ERAP1: variants seen among roughly 807,000 people sequenced by gnomAD.
ERAP1 encodes endoplasmic reticulum aminopeptidase 1.
ERAP1 carries 86 observed loss-of-function variants against 103.7 expected under a neutral mutation model. That is an observed-to-expected ratio of 0.83 (90% CI 0.70 to 0.99). The LOEUF (loss-of-function observed/expected upper bound fraction) is 0.99. Ranked by LOEUF, ERAP1 falls within the 50% of genes least tolerant of loss-of-function variation. The pLI, the probability that ERAP1 is intolerant of heterozygous loss-of-function variation, is 0.00. For missense variants in ERAP1, 1,009 were observed against 1,128.4 expected, an observed-to-expected ratio of 0.89 and a Z score of 1.52; for synonymous variants, 398 against 402.4, an observed-to-expected ratio of 0.99 and a Z score of 0.13.
chr5:96,784,122 CG>C (rs1561674208), intron 13 of ERAP1, 42 bp from the exon 14 acceptor site: 1 of 1,606,958 alleles, frequency 6.2e-7, no homozygotes, highest in Non-Finnish European at 8.5e-7. Flanking sequence ...AAAGTAAATC[CG>C]GGAAGTCAAC....
chr5:96,895,335 T>A, the ERAP1 span: 7 of 1,611,104 alleles, frequency 4.3e-6, no homozygotes, highest in South Asian at 1.1e-5. Context: ...TCGCTGTTAA[T>A]GCTACATATC....
At chr5:96,916,757 C>T in the ERAP1 span, among the ~76,000 whole-genome samples, 2 of 133,270 alleles carry the variant, frequency 1.5e-5, no homozygotes, top group African/African-American at 5.6e-5. Flanking sequence ...CGTGAGCCAC[C>T]AGCCTATCTT....
the ERAP1 span, among the ~76,000 whole-genome samples, chr5:96,842,141 T>A: frequency 1.3e-5 from 2 of 152,220 alleles, no homozygotes; most frequent in South Asian, 4.1e-4. Flanking sequence ...GGCCGAGTAG[T>A]ATTCCATGGT....
the ERAP1 span, among the ~76,000 whole-genome samples, chr5:96,836,176 G>GTTTTTTTTTTTTTTTTTTTTTTTTGT: frequency 1.9e-5 from 2 of 106,682 alleles, no homozygotes; most frequent in Admixed American, 1.1e-4. Flanking sequence ...CACCTCTTTG[G>GTTTTTTTTTTTTTTTTTTTTTTTTGT]TTTTTTTTTT....
chr5:96,924,744 C>A, the ERAP1 span, among the ~76,000 whole-genome samples: 3 of 151,964 alleles, frequency 2.0e-5, no homozygotes, highest in African/African-American at 7.3e-5. Context: ...ACTACAGGCA[C>A]CTGCTACCAT....
At position 96,776,136 on chromosome 5, in the gene ERAP1, G is replaced by T. The variant is rs772202631; in HGVS notation, c.*260C>A. 10 of 1,450,496 alleles carry T rather than the reference G, an allele frequency of 6.9e-6. No homozygotes were observed. The highest frequency in any genetic ancestry group is 3.6e-4 in the Middle Eastern group (2 of 5,574). The allele number at this position is 1,450,496 out of a possible 1,614,324, so 89.9% of individuals were successfully genotyped here. A position where few individuals can be genotyped will look rare whatever the true frequency, so the allele number is the denominator to read the frequency against. ...TAAACTATAAAATGAGAAGAATAAGGTACTTTATTCTTCTGTGGCAGGGAA... is the reference window on the plus strand; with the variant it reads ...TAAACTATAAAATGAGAAGAATAAGTTACTTTATTCTTCTGTGGCAGGGAA... On this transcript the variant is annotated 3_prime_UTR_variant, in exon 19 of 19. Coordinates refer to ENST00000443439, the MANE Select transcript of ERAP1 (RefSeq NM_001040458.3).
chr5:96,805,632 G>T (rs1320769122), intron 1 of ERAP1: 3 of 152,264 alleles, frequency 2.0e-5, no homozygotes, highest in Non-Finnish European at 4.4e-5. Context: ...CATAATCCCA[G>T]TTCAAAAGGC....
the ERAP1 span, among the ~76,000 whole-genome samples, chr5:96,818,968 A>G: frequency 6.6e-6 from 1 of 151,670 alleles, no homozygotes; most frequent in Non-Finnish European, 1.5e-5. Flanking sequence ...CTCTGTCACC[A>G]AGGCTGGAGT....
At chr5:96,909,947 T>G in the ERAP1 span, 7 of 561,462 alleles carry the variant, frequency 1.2e-5, no homozygotes, top group East Asian at 6.1e-5. Flanking sequence ...GTACAATCTC[T>G]ACCATGAAAT....
At chr5:96,867,948 C>T in the ERAP1 span, among the ~76,000 whole-genome samples, 1 of 152,066 alleles carries the variant, frequency 6.6e-6, no homozygotes, top group African/African-American at 2.4e-5. Context: ...GTGGCGAGTG[C>T]CTGTAATCCC....
the ERAP1 span, among the ~76,000 whole-genome samples, chr5:96,916,127 A>G: frequency 2.6e-5 from 4 of 152,090 alleles, no homozygotes; most frequent in African/African-American, 9.7e-5. Context: ...AGGCTGAGGC[A>G]GAAGAATCAC....
Position 96,792,177 on chromosome 5 carries a change from C to G in ERAP1, c.1204G>C (p.Gly402Arg). 6.2e-7 allele frequency: 1 copy of G among 1,613,494 alleles called. No individual in the cohort carries two copies. Among genetic ancestry groups the G allele is most frequent in the South Asian group, 1.1e-5 (1 of 91,064 alleles). The change falls in exon 8 of 19, where the codon GGC becomes CGC. Residue 402 changes from glycine to arginine, a missense_variant. Transcript: ENST00000443439. The part of the protein sequence containing the change: ...PELKVGDYFF[G>R]KCFDAMEVDA... ...ACCTCCATTGCGTCAAAACATTTGCCAAAGAAATAATCTCCCTATTGAGAT... is the reference window on the plus strand; with the variant it reads ...ACCTCCATTGCGTCAAAACATTTGCGAAAGAAATAATCTCCCTATTGAGAT...
At chr5:96,808,234 G>A (rs1361275963), upstream of ERAP1, 1 of 590,812 alleles carries the variant, frequency 1.7e-6, no homozygotes, top group Non-Finnish European at 2.1e-6. Flanking sequence ...GTGTGTGTGT[G>A]TGTGTGTGTG....
the ERAP1 span, among the ~76,000 whole-genome samples, chr5:96,815,366 C>A: frequency 8.6e-5 from 13 of 151,268 alleles, no homozygotes; most frequent in Non-Finnish European, 1.6e-4. Flanking sequence ...ATAAAACACC[C>A]AAACTATTAA....
chr5:96,850,926 G>A, the ERAP1 span, among the ~76,000 whole-genome samples: 59 of 152,200 alleles, frequency 3.9e-4, no homozygotes, highest in African/African-American at 1.2e-3. Context: ...TCCCTTACAC[G>A]TTAACATCCC....
chr5:96,824,808 G>A, the ERAP1 span, among the ~76,000 whole-genome samples: 1 of 152,156 alleles, frequency 6.6e-6, no homozygotes, highest in Non-Finnish European at 1.5e-5. Flanking sequence ...CAGCACTTTG[G>A]GAGGCCAAGG....
chr5:96,826,918 G>A, the ERAP1 span, among the ~76,000 whole-genome samples: 25 of 152,272 alleles, frequency 1.6e-4, no homozygotes, highest in African/African-American at 5.8e-4. Flanking sequence ...TTATAGAAAT[G>A]TGTATTAGAT....
the ERAP1 span, chr5:96,913,525 T>A: frequency 1.3e-6 from 2 of 1,531,776 alleles, no homozygotes; most frequent in Non-Finnish European, 1.8e-6. Flanking sequence ...AAACCAAGTG[T>A]AATCAAATGT....
the ERAP1 span, chr5:96,908,996 T>C: frequency 1.9e-6 from 3 of 1,614,088 alleles, no homozygotes; most frequent in Non-Finnish European, 2.5e-6. Context: ...GCTCTTGACA[T>C]GACTTACTAC....
Sources: gnomAD v4.1 joint callset for allele counts (sites outside exome capture counted in the v4.1 genomes callset) on GRCh38, gnomAD v4.1.1 for gene constraint, MANE v1.5 for transcripts, NCBI Gene and HGNC (gene_info 2026-07-23, HGNC 2026-07-21) for gene names.